TUT7: variants seen among roughly 807,000 people sequenced by gnomAD.
The protein encoded by TUT7 is terminal uridylyl transferase 7.
Under a neutral mutation model 165.9 loss-of-function variants are expected in TUT7, and 33 were observed. The ratio of observed to expected loss-of-function variants is 0.20; its 90% CI spans 0.15 to 0.27. The LOEUF (loss-of-function observed/expected upper bound fraction) is 0.27, where lower values mean the gene tolerates loss of function less well. Ranked by LOEUF, TUT7 falls within the 10% of genes least tolerant of loss-of-function variation. The probability of loss-of-function intolerance (pLI) is 1.00; values close to 1 mark genes in which losing one functional copy is unlikely to be tolerated. For missense variants in TUT7, 1,338 were observed against 1,762.3 expected, an observed-to-expected ratio of 0.76 and a Z score of 4.31; for synonymous variants, 552 against 608.1, an observed-to-expected ratio of 0.91 and a Z score of 1.36.
chr9:86,321,033 G>A (rs1829233855), intron 14 of TUT7, among the ~76,000 whole-genome samples: 1 of 152,178 alleles, frequency 6.6e-6, no homozygotes, highest in Non-Finnish European at 1.5e-5. Context: ...AGCCAGGGAA[G>A]TGTGTCCAGG....
At chr9:86,351,239 C>A (rs950919896) in intron 2 of TUT7, among the ~76,000 whole-genome samples, 1 of 151,776 alleles carries the variant, frequency 6.6e-6, no homozygotes, top group African/African-American at 2.4e-5. Flanking sequence ...AGTTTGAGAC[C>A]AGTCAGGCCA....
intron 26 of TUT7, among the ~76,000 whole-genome samples, chr9:86,297,585 T>C (rs1826443632): frequency 6.6e-6 from 1 of 152,128 alleles, no homozygotes; most frequent in Non-Finnish European, 1.5e-5. Context: ...TTTAGTATTT[T>C]GGGAGGCCAA....
chr9:86,313,015 T>C (rs1828349075), intron 17 of TUT7, among the ~76,000 whole-genome samples: 2 of 152,038 alleles, frequency 1.3e-5, no homozygotes, highest in South Asian at 2.1e-4. Flanking sequence ...CCAGAGACCT[T>C]TGTTCACTTG....
At chr9:86,340,948 A>G in intron 7 of TUT7, 54 bp downstream of exon 7, 2 of 1,362,968 alleles carry the variant, frequency 1.5e-6, no homozygotes, top group South Asian at 2.4e-5. Context: ...GAAATAAGAT[A>G]GATCCAAATT....
At chr9:86,318,573 G>A (rs1587922134) in intron 16 of TUT7, among the ~76,000 whole-genome samples, 1 of 152,276 alleles carries the variant, frequency 6.6e-6, no homozygotes, top group East Asian at 1.9e-4. Flanking sequence ...CCAGGCCTCT[G>A]GACTCTAAGG....
intron 25 of TUT7, among the ~76,000 whole-genome samples, chr9:86,302,727 C>T (rs1827059446): frequency 6.6e-6 from 1 of 151,490 alleles, no homozygotes; most frequent in African/African-American, 2.4e-5. Flanking sequence ...AGCGATTCTG[C>T]AGCCTCAGCC....
intron 26 of TUT7, among the ~76,000 whole-genome samples, chr9:86,289,909 C>A (rs1425251243): frequency 6.6e-6 from 1 of 151,858 alleles, no homozygotes; most frequent in Non-Finnish European, 1.5e-5. Context: ...TACGATATGA[C>A]CAAGTATATG....
In TUT7 at chr9:86,323,715, C is replaced by T; in HGVS notation, c.2035G>A (p.Gly679Ser). Reference protein sequence around the residue: ...DKLKNSVLAQGPGATSSAANT... With the variant: ...DKLKNSVLAQSPGATSSAANT... ...GCAGCTGAACTGGTAGCACCAGGACCTTGGGCCAAAACTGAGTTTTTGAGC... is the reference window on the plus strand; with the variant it reads ...GCAGCTGAACTGGTAGCACCAGGACTTTGGGCCAAAACTGAGTTTTTGAGC... Residue 679 changes from glycine (G) to serine (S), a missense_variant, in exon 13 of 27, where the codon GGT becomes AGT. By Grantham distance (56) the Gly-to-Ser change is moderately conservative. This residue lies in a region of TUT7 where 425 missense variants were observed against 474.9 expected (regional missense o/e 0.89). Transcript: ENST00000375963. 6 of 1,613,806 alleles carry T rather than the reference C, an allele frequency of 3.7e-6. No homozygotes were observed. The highest frequency in any genetic ancestry group is 4.2e-6 in the Non-Finnish European group (5 of 1,179,702).
chr9:86,323,787 T>C lies in TUT7; in HGVS notation c.1963A>G (p.Lys655Glu). ...NAITCISEHS[K>E]EVINHHPDVQ... Reference sequence around the variant, plus strand: ...TCTGGATGATGATTTATTACTTCTTTAGAATGTTCTGAAATACATGTAATT... The same window carrying C: ...TCTGGATGATGATTTATTACTTCTTCAGAATGTTCTGAAATACATGTAATT... The change falls in exon 13 of 27, where the codon AAA becomes GAA. Residue 655 changes from lysine (K) to glutamate (E), a missense_variant. Lys to Glu is a moderately conservative substitution (Grantham distance 56). This residue lies in a region of TUT7 where 425 missense variants were observed against 474.9 expected (regional missense o/e 0.89). Transcript: ENST00000375963. The C allele has an allele frequency of 6.2e-7, 1 of 1,613,970 alleles. No homozygotes were observed. Among genetic ancestry groups the C allele is most frequent in the Non-Finnish European group, 8.5e-7 (1 of 1,179,970 alleles).
intron 17 of TUT7, among the ~76,000 whole-genome samples, chr9:86,312,930 A>T (rs1242232266): frequency 6.6e-6 from 1 of 151,860 alleles, no homozygotes; most frequent in Non-Finnish European, 1.5e-5. Flanking sequence ...GTTAAGAGTC[A>T]TCACCACTCC....
At chr9:86,331,005 T>C (rs1310951272) in intron 10 of TUT7, among the ~76,000 whole-genome samples, 1 of 152,036 alleles carries the variant, frequency 6.6e-6, no homozygotes. Flanking sequence ...CTCAGCCTCC[T>C]GAGTAGCTGG....
rs751724559 is a variant in TUT7 at position 86,340,077 on chromosome 9, G to T, written c.1167C>A (p.Phe389Leu). The change falls in exon 8 of 27, where the codon TTC (phenylalanine) becomes TTA (leucine). Residue 389 changes from phenylalanine (F) to leucine (L), a missense_variant. Transcript: ENST00000375963. ...ACACCACCACTGGCACCCTAGCATG[G>T]AAGTCTGCATCAACATCAATAAAGG... The part of the protein sequence containing the change: ...SDSFIDVDAD[F>L]HARVPVVVCR... 1 of 1,613,896 alleles carries T rather than the reference G, an allele frequency of 6.2e-7. No homozygotes were observed. Among genetic ancestry groups the T allele is most frequent in the Non-Finnish European group, 8.5e-7 (1 of 1,179,880 alleles).
Position 86,322,388 on chromosome 9 carries a change from G to A in TUT7, c.2965C>T (p.Pro989Ser), listed in dbSNP as rs1399944850. The part of the protein sequence containing the change: ...PEDFKRIQLE[P>S]LPPLTPKFLN... ...AACTTGGGTGTTAATGGTGGCAGAG[G>A]TTCTAGCTGGATTCTTTTGAAGTCT... is the stretch of plus-strand genomic sequence containing the variant. The change falls in exon 14 of 27, where the codon CCT (proline) becomes TCT (serine). Residue 989 changes from proline to serine, a missense_variant. Pro to Ser is a moderately conservative substitution (Grantham distance 74, BLOSUM62 -1). Around this residue, in one of 7 missense-constraint regions of TUT7, gnomAD observed 425 missense variants for 474.9 expected, o/e 0.89. Coordinates refer to ENST00000375963, the MANE Select transcript of TUT7 (RefSeq NM_024617.4). The A allele has an allele frequency of 6.2e-7, 1 of 1,614,114 alleles. No individual in the cohort carries two copies. The highest frequency in any genetic ancestry group is 2.2e-5 in the East Asian group (1 of 44,872).
chr9:86,348,714 T>C (rs1166304928), intron 2 of TUT7, among the ~76,000 whole-genome samples: 6 of 152,054 alleles, frequency 3.9e-5, no homozygotes, highest in Non-Finnish European at 7.4e-5. Flanking sequence ...ATTGCGCCAT[T>C]GCACTCCAGC....
chr9:86,305,095 A>C, intron 23 of TUT7, 97 bp downstream of exon 23: 1 of 1,297,496 alleles, frequency 7.7e-7, no homozygotes, highest in Non-Finnish European at 1.1e-6. Context: ...CAGGAGTTTG[A>C]GACCAGCCTG....
intron 22 of TUT7, 21 bp downstream of exon 22, chr9:86,308,408 C>T (rs769288585): frequency 6.9e-6 from 11 of 1,602,292 alleles, no homozygotes; most frequent in Middle Eastern, 1.7e-4. Flanking sequence ...TATTCGACTT[C>T]AAGTTTAATT....
At chr9:86,352,579 A>C in intron 2 of TUT7, 101 bp downstream of exon 2, 2 of 1,381,580 alleles carry the variant, frequency 1.4e-6, no homozygotes, top group South Asian at 1.2e-5. Flanking sequence ...ACTGTGAAAA[A>C]CTGAAACTAA....
At chr9:86,312,348 C>T (rs1217641417) in intron 17 of TUT7, among the ~76,000 whole-genome samples, 34 of 151,686 alleles carry the variant, frequency 2.2e-4, no homozygotes, top group East Asian at 7.9e-4. Context: ...GCCTGGCAAC[C>T]GCCCAGTCTG....
intron 18 of TUT7, among the ~76,000 whole-genome samples, chr9:86,310,304 C>T (rs1340286998): frequency 6.6e-6 from 1 of 151,914 alleles, no homozygotes; most frequent in Non-Finnish European, 1.5e-5. Context: ...CTGAAATTAA[C>T]CTTTTTTTTT....
Sources: allele counts gnomAD v4.1 joint callset (sites outside exome capture counted in the v4.1 genomes callset), GRCh38; gene constraint gnomAD v4.1.1; regional missense constraint gnomAD v4.1.1; transcripts MANE v1.5; gene names NCBI Gene and HGNC (gene_info 2026-07-23, HGNC 2026-07-21).